The following CDH18 variants were observed in gnomAD, a reference collection of about 807,000 sequenced individuals.
CDH18 encodes cadherin 18.
Under a neutral mutation model 67.9 loss-of-function variants are expected in CDH18, and 31 were observed. The observed-to-expected ratio is 0.46, with a 90% CI of 0.34 to 0.62. The LOEUF (loss-of-function observed/expected upper bound fraction) is 0.62, where lower values mean the gene tolerates loss of function less well. Among genes scored for constraint, CDH18 ranks in the 20% least tolerant of loss-of-function variants. The pLI is 0.01. For synonymous variants in CDH18, 362 were observed against 347.2 expected, an observed-to-expected ratio of 1.04 and a Z score of -0.48; for missense variants, 890 against 975.5, an observed-to-expected ratio of 0.91 and a Z score of 1.17.
At chr5:19,932,363 A>G (rs1793792683) in intron 2 of CDH18, among the ~76,000 whole-genome samples, 1 of 151,766 alleles carries the variant, frequency 6.6e-6, no homozygotes, top group Non-Finnish European at 1.5e-5. Flanking sequence ...TTTAAAAAAC[A>G]ATCTCACTCA....
chr5:20,564,023 G>C (rs1189788905), intron 1 of CDH18, among the ~76,000 whole-genome samples: 1 of 151,960 alleles, frequency 6.6e-6, no homozygotes, highest in Non-Finnish European at 1.5e-5. Flanking sequence ...GATCAAATTA[G>C]ATCATGTTAC....
At position 19,572,546 on chromosome 5, in the gene CDH18, G is replaced by A. The variant is rs114307797; in HGVS notation, c.1000-714C>T. Among the ~76,000 whole-genome samples, 1,090 of 152,212 alleles carry A rather than the reference G, an allele frequency of 7.2e-3. 15 individuals are homozygous for A. The highest frequency in any genetic ancestry group is 0.025 in the African/African-American group (1,032 of 41,526). ...ATAACAGAATACCATACACTGGGTGGCTTAAGCCAACATCAACGTTCCTTT... is the reference window on the plus strand; with the variant it reads ...ATAACAGAATACCATACACTGGGTGACTTAAGCCAACATCAACGTTCCTTT... On this transcript the variant is annotated intron_variant, in intron 7 of 12. Transcript: ENST00000382275.
intron 1 of CDH18, among the ~76,000 whole-genome samples, chr5:20,451,050 T>A (rs1249381160): frequency 6.6e-6 from 1 of 152,150 alleles, no homozygotes; most frequent in Non-Finnish European, 1.5e-5. Flanking sequence ...GTCCCTCCAA[T>A]GACGTGAGAA....
chr5:19,927,147 T>C (rs563103594), intron 2 of CDH18, among the ~76,000 whole-genome samples: 75 of 152,154 alleles, frequency 4.9e-4, no homozygotes, highest in Non-Finnish European at 9.3e-4. Flanking sequence ...GTACTTACAA[T>C]ATAGTCAATA....
chr5:20,338,248 C>A (rs562642324), intron 1 of CDH18, among the ~76,000 whole-genome samples: 1 of 152,322 alleles, frequency 6.6e-6, no homozygotes, highest in African/African-American at 2.4e-5. Flanking sequence ...CTCTATGAGA[C>A]AAATTAATTT....
chr5:19,999,811 C>T (rs7719518), intron 2 of CDH18, among the ~76,000 whole-genome samples: 1 of 152,070 alleles, frequency 6.6e-6, no homozygotes, highest in Non-Finnish European at 1.5e-5. Context: ...ATTCTGAATA[C>T]GGGGCTTTAT....
chr5:19,517,410 G>A lies in CDH18; in HGVS notation c.1512+3247C>T, dbSNP rs528596384. Among the ~76,000 whole-genome samples, 3 of 152,008 alleles carry A rather than the reference G, an allele frequency of 2.0e-5. No individual in the cohort carries two copies. In the South Asian group the frequency reaches 6.2e-4, roughly 32 times the overall value. Reference sequence around the variant, plus strand: ...TTGTCTTTTTTTTATCATCTTAACAGACTTTTTCAAAGAGCATCTTTTTCA... The same window carrying A: ...TTGTCTTTTTTTTATCATCTTAACAAACTTTTTCAAAGAGCATCTTTTTCA... On this transcript the variant is annotated intron_variant, in intron 10 of 12. Transcript: ENST00000382275.
At chr5:20,023,607 C>T (rs952308773) in intron 2 of CDH18, among the ~76,000 whole-genome samples, 3 of 148,384 alleles carry the variant, frequency 2.0e-5, no homozygotes, top group South Asian at 2.1e-4. Flanking sequence ...TGTAGTTAGC[C>T]GAGATCGCGC....
intron 1 of CDH18, among the ~76,000 whole-genome samples, chr5:20,337,232 G>A (rs1426064004): frequency 6.6e-6 from 1 of 152,104 alleles, no homozygotes; most frequent in Non-Finnish European, 1.5e-5. Context: ...ATTAACATGT[G>A]GCTTGTTACT....
chr5:19,748,078 A>T (rs574357213), intron 3 of CDH18, among the ~76,000 whole-genome samples: 1 of 132,390 alleles, frequency 7.6e-6, no homozygotes, highest in East Asian at 2.5e-4. Context: ...GCGCCACTGC[A>T]CTCCAGGCTG....
At chr5:20,103,133 T>C (rs896081052) in intron 2 of CDH18, among the ~76,000 whole-genome samples, 17 of 152,150 alleles carry the variant, frequency 1.1e-4, no homozygotes, top group Non-Finnish European at 2.1e-4. Flanking sequence ...ATGTCATGCG[T>C]CCCCAGTACA....
At chr5:20,095,589 G>GAAGAAAAGAAAGA (rs1554089717) in intron 2 of CDH18, among the ~76,000 whole-genome samples, 1 of 141,744 alleles carries the variant, frequency 7.1e-6, no homozygotes, top group Non-Finnish European at 1.5e-5. Context: ...AGGAAGAAAG[G>GAAGAAAAGAAAGA]AAGAAAGAAG....
At chr5:19,537,007 A>G (rs188213403) in intron 9 of CDH18, among the ~76,000 whole-genome samples, 1 of 152,290 alleles carries the variant, frequency 6.6e-6, no homozygotes, top group Non-Finnish European at 1.5e-5. Context: ...TGGTACTGTG[A>G]TGGTTAATTT....
intron 2 of CDH18, among the ~76,000 whole-genome samples, chr5:19,923,114 T>C (rs1792687188): frequency 6.6e-6 from 1 of 152,140 alleles, no homozygotes; most frequent in African/African-American, 2.4e-5. Flanking sequence ...AGACATAATG[T>C]AAACCCTACT....
At chr5:19,655,375 T>C (rs1756209941) in intron 5 of CDH18, among the ~76,000 whole-genome samples, 2 of 151,772 alleles carry the variant, frequency 1.3e-5, no homozygotes, top group South Asian at 2.1e-4. Context: ...TTATAGACAT[T>C]AGAGTTGTTA....
chr5:19,515,750 G>C (rs1745880835), intron 10 of CDH18, among the ~76,000 whole-genome samples: 1 of 152,100 alleles, frequency 6.6e-6, no homozygotes, highest in Non-Finnish European at 1.5e-5. Flanking sequence ...AAGATTTTGG[G>C]CTGAGACAAT....
intron 2 of CDH18, among the ~76,000 whole-genome samples, chr5:20,030,960 G>GC (rs2150451232): frequency 6.6e-6 from 1 of 152,224 alleles, no homozygotes; most frequent in South Asian, 2.1e-4. Context: ...AATAGAAAAT[G>GC]TAAAAAATTG....
At chr5:20,370,777 G>A (rs1742923567) in intron 1 of CDH18, among the ~76,000 whole-genome samples, 2 of 152,076 alleles carry the variant, frequency 1.3e-5, no homozygotes, top group South Asian at 2.1e-4. Flanking sequence ...AGTGGCTCGC[G>A]CCTGTAATCC....
At chr5:19,751,646 G>C (rs1770857959) in intron 3 of CDH18, among the ~76,000 whole-genome samples, 1 of 152,154 alleles carries the variant, frequency 6.6e-6, no homozygotes, top group African/African-American at 2.4e-5. Context: ...ATAAGTAACT[G>C]ATGTGAAATA....
Sources: gnomAD v4.1 joint callset for allele counts (sites outside exome capture counted in the v4.1 genomes callset) on GRCh38, gnomAD v4.1.1 for gene constraint, MANE v1.5 for transcripts, NCBI Gene and HGNC (gene_info 2026-07-23, HGNC 2026-07-21) for gene names.